Variants in USP54 observed in about 807,000 individuals in gnomAD.
The protein encoded by USP54 is ubiquitin specific peptidase 54.
A neutral mutation model predicts 170.5 loss-of-function variants in USP54; 87 were observed. The ratio of observed to expected loss-of-function variants is 0.51; its 90% CI spans 0.43 to 0.61. USP54 has a LOEUF of 0.61. Ranked by LOEUF, USP54 falls within the 20% of genes least tolerant of loss-of-function variation. USP54 has a pLI of 0.00. For synonymous variants in USP54, 655 were observed against 742.8 expected (o/e 0.88, Z 1.92); for missense variants, 1,786 against 2,047.8 (o/e 0.87, Z 2.47).
intron 23 of USP54, among the ~76,000 whole-genome samples, chr10:73,499,408 C>T (rs763344287): frequency 2.0e-5 from 3 of 152,092 alleles, no homozygotes; most frequent in Non-Finnish European, 4.4e-5. Context: ...ATGAAACAGT[C>T]TCATGGATGT....
At chr10:73,587,539 G>T (rs1056613110) in intron 1 of USP54, among the ~76,000 whole-genome samples, 1 of 152,110 alleles carries the variant, frequency 6.6e-6, no homozygotes, top group Admixed American at 6.6e-5. Flanking sequence ...GAGGTAACAT[G>T]CTTTTAGTGG....
chr10:73,530,962 C>T (rs377607172), intron 12 of USP54, 127 bp from the exon 13 acceptor site: 25 of 1,311,396 alleles, frequency 1.9e-5, no homozygotes, highest in African/African-American at 1.5e-4. Context: ...AGCTGTAGGG[C>T]ATAGGCTATC....
intron 23 of USP54, 74 bp from the exon 24 acceptor site, chr10:73,499,262 G>C: frequency 3.4e-6 from 5 of 1,455,602 alleles, no homozygotes; most frequent in South Asian, 1.4e-5. Flanking sequence ...GCCATGCCTA[G>C]CTGTGTAGCC....
rs562484320 is a variant in USP54, at chr10:73,550,211, A to C, written c.241-4539T>G. On this transcript the variant is annotated intron_variant, in intron 4 of 23. Coordinates refer to ENST00000687698, the MANE Select transcript of USP54 (RefSeq NM_001391956.1). ...AGTGCTGGGATAACAGGCGTGGGCC[A>C]CCACGCCCAGCCATACTATTCTACT... Among the ~76,000 whole-genome samples the C allele has an allele frequency of 2.9e-4, 44 of 152,284 alleles. 1 individual carries two copies. The South Asian group carries it at 8.3e-3, about 29-fold the overall frequency.
intron 16 of USP54, among the ~76,000 whole-genome samples, chr10:73,524,734 C>G (rs1038292239): frequency 6.6e-6 from 1 of 152,114 alleles, no homozygotes; most frequent in Admixed American, 6.5e-5. Context: ...ATAACAACAA[C>G]TTATGAGGTA....
At chr10:73,534,387 T>G (rs2064779074) in intron 12 of USP54, among the ~76,000 whole-genome samples, 1 of 152,038 alleles carries the variant, frequency 6.6e-6, no homozygotes, top group Non-Finnish European at 1.5e-5. Context: ...TTTTTTTGTA[T>G]TTTTAGTAGA....
At chr10:73,561,055 A>ACTCCAG (rs2072833639) in intron 4 of USP54, among the ~76,000 whole-genome samples, 1 of 145,330 alleles carries the variant, frequency 6.9e-6, no homozygotes, top group African/African-American at 2.5e-5. Context: ...CAGTGAGCCG[A>ACTCCAG]GATCATGCTA....
chr10:73,508,977 T>G (rs201477801), intron 20 of USP54, among the ~76,000 whole-genome samples: 12 of 151,180 alleles, frequency 7.9e-5, no homozygotes, highest in East Asian at 3.9e-4. Flanking sequence ...AACATGTTTT[T>G]TTTTTTTTTT....
intron 1 of USP54, among the ~76,000 whole-genome samples, chr10:73,609,973 G>A (rs980383952): frequency 6.7e-6 from 1 of 150,160 alleles, no homozygotes; most frequent in African/African-American, 2.5e-5. Context: ...TCACGCCACT[G>A]CACTCCAGCC....
At chr10:73,612,127 G>A (rs545559557) in intron 1 of USP54, among the ~76,000 whole-genome samples, 19 of 152,022 alleles carry the variant, frequency 1.2e-4, no homozygotes, top group African/African-American at 4.1e-4. Context: ...AAATAAAATA[G>A]ATAGACAGAA....
rs145085013 is a variant in USP54, at chr10:73,555,734, A to AC, written c.241-10063dup. Among the ~76,000 whole-genome samples, 790 of 152,264 alleles carry AC rather than the reference A, an allele frequency of 5.2e-3. 7 individuals are homozygous for AC. Among genetic ancestry groups the AC allele is most frequent in the Non-Finnish European group, 8.2e-3 (555 of 68,014 alleles). ...AAATTTTGAGAATACATAACCACTT[A>AC]CCCCACAGGAAAAACTGAAAGGGGA... On this transcript the variant is annotated intron_variant, in intron 4 of 23. Coordinates refer to ENST00000687698, the MANE Select transcript of USP54 (RefSeq NM_001391956.1).
intron 16 of USP54, among the ~76,000 whole-genome samples, chr10:73,524,697 T>C (rs1298379430): frequency 1.3e-5 from 2 of 152,236 alleles, no homozygotes; most frequent in African/African-American, 4.8e-5. Flanking sequence ...GTTTTAAGCA[T>C]GTTTACATGT....
chr10:73,610,803 T>A (rs2080080485), intron 1 of USP54, among the ~76,000 whole-genome samples: 1 of 152,200 alleles, frequency 6.6e-6, no homozygotes, highest in Non-Finnish European at 1.5e-5. Context: ...CAAATGCTAT[T>A]TGAAAAAAAT....
At chr10:73,499,238 C>G in intron 23 of USP54, 50 bp from the exon 24 acceptor site, 1 of 1,534,350 alleles carries the variant, frequency 6.5e-7, no homozygotes, top group Non-Finnish European at 8.7e-7. Flanking sequence ...GAAAACCATT[C>G]TCCTTCCCAG....
Position 73,516,594 on chromosome 10 carries a change from C to A in USP54, c.3832G>T (p.Ala1278Ser). 1.2e-6 allele frequency: 2 copies of A among 1,614,196 alleles called. No homozygotes were observed. The highest frequency in any genetic ancestry group is 1.7e-6 in the Non-Finnish European group (2 of 1,180,044). ...GAGGACTTCATTCCTGGCCTAGGTG[C>A]CCCATGCTTAAGCTGAGAATCACAG... ...RFCDSQLKHGAPRPGMKSSPH... is the reference protein window; with the variant it reads ...RFCDSQLKHGSPRPGMKSSPH... The change falls in exon 20 of 24, where the codon GCA becomes TCA. Residue 1278 changes from alanine (A) to serine (S), a missense_variant. Transcript: ENST00000687698.
Position 73,520,904 on chromosome 10 carries a change from T to C in USP54, c.2482+4A>G. 6.2e-7 allele frequency: 1 copy of C among 1,614,164 alleles called. No homozygotes were observed. Reference sequence around the variant, plus strand: ...CCACAGCCATAGCAGTTAGAGTTACTTACAGATAGCTTCATTACAGAGAGC... The same window carrying C: ...CCACAGCCATAGCAGTTAGAGTTACCTACAGATAGCTTCATTACAGAGAGC... On this transcript the variant is annotated splice_donor_region_variant and intron_variant, in intron 18 of 23. Transcript: ENST00000687698.
chr10:73,597,024 GTCATGGCCATAGT>G lies in USP54; in HGVS notation c.-17-21362_-17-21350del, dbSNP rs2078790570. On this transcript the variant is annotated intron_variant, in intron 1 of 22. Transcript: ENST00000339859. ...ACTGTCACACCTCAAACTGCAAAAA[GTCATGGCCATAGT>G]TCATGGTAAGTGAAACCACCTTTGC... 2.0e-5 allele frequency among the ~76,000 whole-genome samples: 3 copies of G among 152,286 alleles called. No homozygotes were observed. In the South Asian group the frequency reaches 6.2e-4, roughly 32 times the overall value.
At chr10:73,590,252 AAGCACTTAGCAAGGACCC>A (rs1209333458) in intron 1 of USP54, among the ~76,000 whole-genome samples, 1 of 152,212 alleles carries the variant, frequency 6.6e-6, no homozygotes, top group Non-Finnish European at 1.5e-5. Flanking sequence ...AGTAAATGCA[AAGCACTTAGCAAGGACCC>A]AGCACTTACC....
intron 4 of USP54, among the ~76,000 whole-genome samples, chr10:73,551,663 A>T (rs2069395527): frequency 1.3e-5 from 2 of 152,228 alleles, no homozygotes; most frequent in South Asian, 4.1e-4. Context: ...CCACTATTAC[A>T]TCCCAGCCTG....
Sources: allele counts gnomAD v4.1 joint callset (sites outside exome capture counted in the v4.1 genomes callset), GRCh38; gene constraint gnomAD v4.1.1; transcripts MANE v1.5; gene names NCBI Gene and HGNC (gene_info 2026-07-23, HGNC 2026-07-21).